ABHD17B: variants seen among roughly 807,000 people sequenced by gnomAD.
ABHD17B encodes the protein alpha/beta hydrolase domain-containing protein 17B.
ABHD17B carries 9 observed loss-of-function variants against 26.2 expected under a neutral mutation model. The ratio of observed to expected loss-of-function variants is 0.34; its 90% CI spans 0.21 to 0.60. The LOEUF (loss-of-function observed/expected upper bound fraction) is 0.60, where lower values mean the gene tolerates loss of function less well. Among genes scored for constraint, ABHD17B ranks in the 20% least tolerant of loss-of-function variants. The pLI, the probability that ABHD17B is intolerant of heterozygous loss-of-function variation, is 0.80. For synonymous variants in ABHD17B, 127 were observed against 122.3 expected (o/e 1.04, Z -0.25); for missense variants, 224 against 352.1 (o/e 0.64, Z 2.91).
intron 1 of ABHD17B, among the ~76,000 whole-genome samples, chr9:71,877,916 C>T (rs1490140769): frequency 6.6e-6 from 1 of 152,048 alleles, no homozygotes; most frequent in Non-Finnish European, 1.5e-5. Flanking sequence ...CTTCCACTGC[C>T]CAAAAGCCAG....
chr9:71,871,429 A>G (rs1301559574), intron 2 of ABHD17B, among the ~76,000 whole-genome samples: 2 of 152,212 alleles, frequency 1.3e-5, no homozygotes. Context: ...TAGCAAACTC[A>G]GAAAAGCTTT....
At chr9:71,903,278 T>C (rs1827195218) in intron 1 of ABHD17B, among the ~76,000 whole-genome samples, 1 of 152,134 alleles carries the variant, frequency 6.6e-6, no homozygotes, top group South Asian at 2.1e-4. Flanking sequence ...CCTCAGACAC[T>C]ATAAGAAGCT....
chr9:71,898,882 C>T lies in ABHD17B; in HGVS notation c.-4+11752G>A, dbSNP rs374863416. On this transcript the variant is annotated intron_variant, in intron 1 of 3. Transcript: ENST00000333421. The stretch of plus-strand genomic sequence containing the variant: ...GCACACCTGTAGTCCCAGCACTTTG[C>T]GAGTCTGAGGTGGATGGATCACCTG... Among the ~76,000 whole-genome samples, 215 of 152,078 alleles carry T rather than the reference C, an allele frequency of 1.4e-3. 2 individuals carry two copies. Among genetic ancestry groups the T allele is most frequent in the African/African-American group, 5.0e-3 (206 of 41,464 alleles).
intron 3 of ABHD17B, among the ~76,000 whole-genome samples, chr9:71,869,286 CTG>C (rs1826044450): frequency 1.3e-5 from 2 of 152,288 alleles, no homozygotes; most frequent in East Asian, 1.9e-4. Context: ...GATGAAAATT[CTG>C]TGTTTTTAAA....
At chr9:71,910,152 C>T (rs1007205884) in intron 1 of ABHD17B, among the ~76,000 whole-genome samples, 3 of 152,082 alleles carry the variant, frequency 2.0e-5, no homozygotes, top group African/African-American at 7.2e-5. Flanking sequence ...AATCTAAAAT[C>T]GCGCCCGACA....
intron 1 of ABHD17B, among the ~76,000 whole-genome samples, chr9:71,907,641 G>A (rs1473839487): frequency 6.6e-6 from 1 of 151,940 alleles, no homozygotes; most frequent in African/African-American, 2.4e-5. Flanking sequence ...CCTCCCGAGT[G>A]GCTGGGATTA....
chr9:71,890,548 T>C (rs1589224714), intron 1 of ABHD17B, among the ~76,000 whole-genome samples: 1 of 152,222 alleles, frequency 6.6e-6, no homozygotes, highest in Non-Finnish European at 1.5e-5. Context: ...TATTGGTTGA[T>C]TCTCATTAAT....
chr9:71,888,712 TA>T lies in ABHD17B; in HGVS notation c.-3-13630del, dbSNP rs200770089. On this transcript the variant is annotated intron_variant, in intron 1 of 3. Transcript: ENST00000333421. ...TCTAAGAGTTTATACAAAAAGTTTATAAAACCATTTACAGGTCAATACAGCA... is the reference window on the plus strand; with the variant it reads ...TCTAAGAGTTTATACAAAAAGTTTATAAACCATTTACAGGTCAATACAGCA... 9.7e-3 allele frequency among the ~76,000 whole-genome samples: 1,479 copies of T among 152,228 alleles called. 27 individuals carry two copies. The highest frequency in any genetic ancestry group is 0.033 in the African/African-American group (1,383 of 41,540).
intron 1 of ABHD17B, among the ~76,000 whole-genome samples, chr9:71,895,325 C>A (rs1826923221): frequency 6.6e-6 from 1 of 152,186 alleles, no homozygotes; most frequent in African/African-American, 2.4e-5. Context: ...TCATATTCAG[C>A]AGTCATCAGG....
intron 1 of ABHD17B, among the ~76,000 whole-genome samples, chr9:71,889,299 A>G (rs1826707325): frequency 6.9e-6 from 1 of 145,412 alleles, no homozygotes; most frequent in Non-Finnish European, 1.5e-5. Flanking sequence ...CCTGGACGAC[A>G]GTGCGAGACT....
At chr9:71,891,129 T>G (rs1439731576) in intron 1 of ABHD17B, among the ~76,000 whole-genome samples, 2 of 152,282 alleles carry the variant, frequency 1.3e-5, no homozygotes, top group East Asian at 3.9e-4. Context: ...GAATTATAGG[T>G]TGTTTCTTAA....
chr9:71,906,170 T>C (rs1234003886), intron 1 of ABHD17B, among the ~76,000 whole-genome samples: 7 of 152,210 alleles, frequency 4.6e-5, no homozygotes, highest in African/African-American at 1.7e-4. Context: ...AACCCACTAA[T>C]GTCAGATAAT....
At chr9:71,890,507 T>G (rs1290698643) in intron 1 of ABHD17B, among the ~76,000 whole-genome samples, 1 of 152,252 alleles carries the variant, frequency 6.6e-6, no homozygotes, top group Non-Finnish European at 1.5e-5. Flanking sequence ...CATTAAGTTT[T>G]ATATCATTTG....
chr9:71,890,485 A>G (rs1826750238), intron 1 of ABHD17B, among the ~76,000 whole-genome samples: 2 of 152,242 alleles, frequency 1.3e-5, no homozygotes, highest in African/African-American at 4.8e-5. Context: ...CTGACTATAC[A>G]ATTAAGTTTC....
chr9:71,891,881 T>G (rs990653298), intron 1 of ABHD17B, among the ~76,000 whole-genome samples: 3 of 152,188 alleles, frequency 2.0e-5, no homozygotes, highest in African/African-American at 7.2e-5. Context: ...GGTCCAATAA[T>G]GTAATTAAAA....
At chr9:71,867,131 T>TG in intron 3 of ABHD17B, 125 bp from the exon 4 acceptor site, 1 of 1,132,658 alleles carries the variant, frequency 8.8e-7, no homozygotes, top group Non-Finnish European at 1.2e-6. Flanking sequence ...AAGGTAAGAA[T>TG]GTCTCCTGAA....
intron 1 of ABHD17B, among the ~76,000 whole-genome samples, chr9:71,902,133 G>A (rs894239695): frequency 6.6e-6 from 1 of 152,050 alleles, no homozygotes; most frequent in African/African-American, 2.4e-5. Context: ...TCAAATAAAT[G>A]AAACTTTTAC....
chr9:71,889,849 G>A, intron 1 of ABHD17B, among the ~76,000 whole-genome samples: 1 of 151,946 alleles, frequency 6.6e-6, no homozygotes, highest in East Asian at 1.9e-4. Flanking sequence ...CCAAACCTCA[G>A]CCTTGTTCTC....
intron 1 of ABHD17B, among the ~76,000 whole-genome samples, chr9:71,891,738 C>T (rs935480433): frequency 1.3e-5 from 2 of 152,184 alleles, no homozygotes; most frequent in Non-Finnish European, 2.9e-5. Flanking sequence ...CACAAACACA[C>T]ACATACGCAC....
Sources: allele counts gnomAD v4.1 joint callset (sites outside exome capture counted in the v4.1 genomes callset), GRCh38; gene constraint gnomAD v4.1.1; transcripts MANE v1.5; gene names NCBI Gene and HGNC (gene_info 2026-07-23, HGNC 2026-07-21).